The following KRT81 variants were observed in gnomAD, a reference collection of about 807,000 sequenced individuals.
KRT81 encodes keratin, type II cuticular Hb1.
In KRT81, 35 loss-of-function variants were observed where a neutral mutation model predicts 35.8. The ratio of observed to expected loss-of-function variants is 0.98; its 90% CI spans 0.75 to 1.30. KRT81 has a LOEUF of 1.30. KRT81 is among the 50% of genes most tolerant of loss of function. The pLI is 0.00. For missense variants in KRT81, 531 were observed against 577.4 expected (o/e 0.92, Z 0.82); for synonymous variants, 249 against 251.2 (o/e 0.99, Z 0.08).
intron 5 of KRT81, 123 bp from the exon 6 acceptor site, chr12:52,287,844 C>T (rs1393313750): frequency 6.2e-7 from 1 of 1,602,576 alleles, no homozygotes; most frequent in Non-Finnish European, 8.5e-7. Flanking sequence ...CAGTCCTGCC[C>T]TGCCACCCCA....
In KRT81 at chr12:52,291,325, G is replaced by A. The variant is rs1938112238; in HGVS notation, c.141C>T (p.Ser47=). 1.3e-6 allele frequency: 2 copies of A among 1,553,810 alleles called. No homozygotes were observed. The highest frequency in any genetic ancestry group is 1.2e-5 in the South Asian group (1 of 84,524). ...CCCGAAAGCCTCCGCACACGCTGTG[G>A]CTGCCGAAGCCCCCGGTGAGGCCGC... The part of the protein sequence containing the change: ...CYRGLTGGFG[S]HSVCGGFRAG... Residue 47 remains serine, a synonymous_variant, in exon 1 of 9, where the codon AGC becomes AGT. Coordinates refer to ENST00000327741, the MANE Select transcript of KRT81 (RefSeq NM_002281.4).
At chr12:52,287,929 A>G (rs1592424149) in intron 5 of KRT81, 55 bp downstream of exon 5, 3 of 1,613,604 alleles carry the variant, frequency 1.9e-6, no homozygotes, top group South Asian at 2.2e-5. Context: ...TTTAATAGAT[A>G]TCTCACATCC....
rs1304171620 is a variant in KRT81, at chr12:52,287,597, T to C, written c.1025A>G (p.Gln342Arg). The change falls in exon 6 of 9, where the codon CAG (glutamine) becomes CGG (arginine). Residue 342 changes from glutamine (Q) to arginine (R), a missense_variant and splice_region_variant. By Grantham distance (43) the Gln-to-Arg change is conservative. Around this residue, in one of 5 missense-constraint regions of KRT81, gnomAD observed 49 missense variants for 87.8 expected, o/e 0.56. Transcript: ENST00000327741. Reference protein sequence around the residue: ...LTAEVENAKCQNSKLEAAVAQ... With the variant: ...LTAEVENAKCRNSKLEAAVAQ... ...ACCTTGCGCACAGATGCCCCATACC[T>C]GGCACTTGGCATTCTCCACCTCGGC... is the stretch of plus-strand genomic sequence containing the variant. 1 of 1,613,842 alleles carries C rather than the reference T, an allele frequency of 6.2e-7. No individual in the cohort carries two copies. The highest frequency in any genetic ancestry group is 1.3e-5 in the African/African-American group (1 of 74,910).
rs111382015 is a variant in KRT81 at position 52,287,122 on chromosome 12, C to G, written c.1227G>C (p.Leu409=). Residue 409 remains leucine (L), a synonymous_variant, in exon 7 of 9, where the codon CTG becomes CTC. Coordinates refer to ENST00000327741, the MANE Select transcript of KRT81 (RefSeq NM_002281.4). ...CCCACCTCTGCTCCTCGCCCTCCAG[C>G]AGGCGCCTGTAGGTGGCGATCTCGA... ...LDIEIATYRR[L]LEGEEQRLCE... is the part of the protein sequence containing the mutation. The G allele has an allele frequency of 1.7e-5, 27 of 1,613,066 alleles. No homozygotes were observed. The African/African-American group carries it at 1.9e-4, about 11-fold the overall frequency.
intron 3 of KRT81, among the ~76,000 whole-genome samples, chr12:52,288,684 G>A (rs1370973109): frequency 4.0e-5 from 6 of 151,680 alleles, no homozygotes; most frequent in Non-Finnish European, 8.8e-5. Context: ...ACCCCTCCTT[G>A]CCCTCCTGTC....
In KRT81 at chr12:52,286,664, A is replaced by T. The variant is rs997090044; in HGVS notation, c.1279+127T>A. 1.1e-5 allele frequency: 14 copies of T among 1,227,810 alleles called. No individual in the cohort carries two copies. The African/African-American group carries it at 2.1e-4, about 18-fold the overall frequency. 76.1% of individuals were successfully genotyped at this position (1,227,810 alleles called of 1,614,324 possible). A position where few individuals can be genotyped will look rare whatever the true frequency, so the allele number is the denominator to read the frequency against. ...TGGGGTCTTTTGGATGTCTGACCCCAAATCCCTCCTGTTGTGATGCCAGCC... is the reference window on the plus strand; with the variant it reads ...TGGGGTCTTTTGGATGTCTGACCCCTAATCCCTCCTGTTGTGATGCCAGCC... On this transcript the variant is annotated intron_variant, in intron 8 of 8. Transcript: ENST00000327741.
rs768674094 is a variant in KRT81, at chr12:52,288,043, G to A, written c.841C>T (p.Gln281Ter). Residue 281 changes from glutamine (Q) to a stop codon, truncating the protein, a stop_gained, in exon 5 of 9, where the codon CAG becomes TAG. Transcript: ENST00000327741. LOFTEE classifies it high-confidence loss of function. ...MDCIIAEIKAQYDDIVTRSRA... is the reference protein window; with the variant it reads ...MDCIIAEIKA ...CTGCGGGTGACAATGTCGTCATACTGTGCCTTAATCTCGGCAATGATGCAG... is the reference window on the plus strand; with the variant it reads ...CTGCGGGTGACAATGTCGTCATACTATGCCTTAATCTCGGCAATGATGCAG... The A allele has an allele frequency of 2.5e-6, 4 of 1,614,086 alleles. No individual in the cohort carries two copies. The highest frequency in any genetic ancestry group is 3.4e-6 in the Non-Finnish European group (4 of 1,180,048).
rs750276983 is a variant in KRT81, at chr12:52,287,171, A to G, written c.1178T>C (p.Met393Thr). 2 of 1,613,526 alleles carry G rather than the reference A, an allele frequency of 1.2e-6. No homozygotes were observed. The highest frequency in any genetic ancestry group is 1.7e-5 in the Admixed American group (1 of 59,998). ...ACLIREYQEVMNSKLGLDIEI... is the reference protein window; with the variant it reads ...ACLIREYQEVTNSKLGLDIEI... ...GATGTCCAGGCCCAGCTTGGAGTTC[A>G]TCACCTCCTGGTACTCCCTGATCAG... The change falls in exon 7 of 9, where the codon ATG becomes ACG. Residue 393 changes from methionine (M) to threonine (T), a missense_variant. Met to Thr is a moderately conservative substitution (Grantham distance 81). Transcript: ENST00000327741.
Position 52,291,489 on chromosome 12 carries a change from C to A in KRT81, c.-24G>T, listed in dbSNP as rs776185671. 7 of 1,611,868 alleles carry A rather than the reference C, an allele frequency of 4.3e-6. No homozygotes were observed. The highest frequency in any genetic ancestry group is 5.9e-6 in the Non-Finnish European group (7 of 1,179,132). On this transcript the variant is annotated 5_prime_UTR_variant, in exon 1 of 9. Coordinates refer to ENST00000327741, the MANE Select transcript of KRT81 (RefSeq NM_002281.4). ...ATGATCCTCCTGGACGTTTGGGTTG[C>A]AGAGGACAGGATAGGGGACCTGGAG...
rs896200395 is a variant in KRT81, at chr12:52,287,863, T to G, written c.900+121A>C. ...CCTGCCCTGCCACCCCAACCTCAGA[T>G]TGGCAGCCCTCTCTTCTCATCCCTA... On this transcript the variant is annotated intron_variant, in intron 5 of 8. Coordinates refer to ENST00000327741, the MANE Select transcript of KRT81 (RefSeq NM_002281.4). 29 of 1,601,148 alleles carry G rather than the reference T, an allele frequency of 1.8e-5. No homozygotes were observed. In the Admixed American group the frequency reaches 3.6e-4, roughly 20 times the overall value.
intron 8 of KRT81, 129 bp downstream of exon 8, chr12:52,286,662 C>A (rs1824800022): frequency 1.6e-6 from 2 of 1,217,342 alleles, no homozygotes; most frequent in Non-Finnish European, 1.2e-6. Flanking sequence ...ATGTCTGACC[C>A]CAAATCCCTC....
At chr12:52,286,860 C>T (rs764846224) in intron 7 of KRT81, 38 bp from the exon 8 acceptor site, 6 of 1,611,586 alleles carry the variant, frequency 3.7e-6, no homozygotes, top group Non-Finnish European at 5.1e-6. Flanking sequence ...TTAGTGACTG[C>T]CCCAGAGTGG....
In KRT81 at chr12:52,291,420, A is replaced by G; in HGVS notation, c.46T>C (p.Ser16Pro). 2 of 1,612,034 alleles carry G rather than the reference A, an allele frequency of 1.2e-6. No homozygotes were observed. The highest frequency in any genetic ancestry group is 1.7e-6 in the Non-Finnish European group (2 of 1,179,326). Residue 16 changes from serine (S) to proline (P), a missense_variant, in exon 1 of 9, where the codon TCG becomes CCG. By Grantham distance (74) the Ser-to-Pro change is moderately conservative. Around this residue, in one of 5 missense-constraint regions of KRT81, gnomAD observed 133 missense variants for 125.9 expected, o/e 1.06. Transcript: ENST00000327741. The part of the protein sequence containing the change: ...GFGGRAFSCI[S>P]ACGPRPGRCC... ...CGGCCGGGCCGCGGCCCGCAGGCCG[A>G]GATGCAGCTGAAGGCGCGCCCACCA...
chr12:52,288,946 G>A (rs1287065627), intron 3 of KRT81, among the ~76,000 whole-genome samples: 35 of 143,958 alleles, frequency 2.4e-4, no homozygotes, highest in Middle Eastern at 3.5e-3. Flanking sequence ...CTCAGCAATA[G>A]ACCACAACCT....
At position 52,287,293 on chromosome 12, in the gene KRT81, C is replaced by G. The variant is rs1937977191; in HGVS notation, c.1056G>C (p.Gln352His). ...GGGCCGCCTCACCCTGCTGCTCAGA[C>G]TGGGCCACCGCGGCCTCCAGCTTGG... ...QNSKLEAAVA[Q>H]SEQQGEAALS... The change falls in exon 7 of 9, where the codon CAG becomes CAC. Residue 352 changes from glutamine (Q) to histidine (H), a missense_variant. Physicochemically the swap from Gln to His is conservative, Grantham distance 24. This residue lies in a region of KRT81 where 49 missense variants were observed against 87.8 expected (regional missense o/e 0.56). Coordinates refer to ENST00000327741, the MANE Select transcript of KRT81 (RefSeq NM_002281.4). The G allele has an allele frequency of 1.2e-6, 2 of 1,614,084 alleles. No homozygotes were observed. The highest frequency in any genetic ancestry group is 2.2e-5 in the South Asian group (2 of 91,078).
rs150356449 is a variant in KRT81, at chr12:52,286,338, C to A, written c.1435G>T (p.Gly479Ter). ...APCGQLNTTC[G>*]GGSCGVGSCG... ...GAGCCCACGCCGCAGGAACCCCCTC[C>A]GCAGGTGGTGTTCAATTGGCCGCAG... Residue 479 changes from glycine to a stop codon, truncating the protein, a stop_gained, in exon 9 of 9, where the codon GGA becomes TGA. Transcript: ENST00000327741. LOFTEE classifies it low-confidence loss of function (END_TRUNC). The A allele has an allele frequency of 1.0e-5, 16 of 1,554,990 alleles. No homozygotes were observed. The South Asian group carries it at 1.7e-4, about 16-fold the overall frequency.
chr12:52,287,784 C>T (rs1788576907), intron 5 of KRT81, 63 bp from the exon 6 acceptor site: 2 of 1,613,852 alleles, frequency 1.2e-6, no homozygotes, highest in African/African-American at 2.7e-5. Flanking sequence ...CAGGACACCA[C>T]AGATGATTTT....
At chr12:52,286,768 C>T in intron 8 of KRT81, 23 bp downstream of exon 8, 1 of 1,612,560 alleles carries the variant, frequency 6.2e-7, no homozygotes, top group East Asian at 2.2e-5. Context: ...TAAATCTGTC[C>T]ACACTGGACC....
chr12:52,288,013 C>G lies in KRT81; in HGVS notation c.871G>C (p.Ala291Pro). Residue 291 changes from alanine (A) to proline (P), a missense_variant, in exon 5 of 9, where the codon GCC (alanine) becomes CCC (proline). Ala to Pro is a conservative substitution (Grantham distance 27). Transcript: ENST00000327741. ...QYDDIVTRSR[A>P]EAESWYRSKC... ...CTGCGGTACCAGGACTCGGCCTCGG[C>G]CCGGCTGCGGGTGACAATGTCGTCA... is the stretch of plus-strand genomic sequence containing the variant. 6.2e-7 allele frequency: 1 copy of G among 1,614,240 alleles called. No individual in the cohort carries two copies.
Sources: allele counts gnomAD v4.1 joint callset (sites outside exome capture counted in the v4.1 genomes callset), GRCh38; gene constraint gnomAD v4.1.1; regional missense constraint gnomAD v4.1.1; transcripts MANE v1.5; gene names NCBI Gene and HGNC (gene_info 2026-07-23, HGNC 2026-07-21).